NFATC1: variants seen among roughly 807,000 people sequenced by gnomAD.
NFATC1 encodes nuclear factor of activated T cells 1.
In NFATC1, 22 loss-of-function variants were observed where a neutral mutation model predicts 76.0. That is an observed-to-expected ratio of 0.29 (90% confidence interval 0.21 to 0.41). The LOEUF (loss-of-function observed/expected upper bound fraction) is 0.41. Ranked by LOEUF, NFATC1 falls within the 10% of genes least tolerant of loss-of-function variation. NFATC1 has a pLI of 1.00. For synonymous variants in NFATC1, 704 were observed against 613.1 expected (o/e 1.15, Z -2.19); for missense variants, 1,357 against 1,337.7 (o/e 1.01, Z -0.23).
intron 3 of NFATC1, among the ~76,000 whole-genome samples, chr18:79,443,081 C>G (rs1027689601): frequency 6.6e-6 from 1 of 152,130 alleles, no homozygotes; most frequent in African/African-American, 2.4e-5. Flanking sequence ...GTTTTTCAGT[C>G]GCGGCTGGAA....
intron 1 of NFATC1, chr18:79,400,393 T>G: frequency 7.0e-7 from 1 of 1,428,964 alleles, no homozygotes; most frequent in South Asian, 1.3e-5. Flanking sequence ...CGACCCGCCA[T>G]GACGGGGCTG....
chr18:79,514,527 C>T (rs2090331962), intron 9 of NFATC1, among the ~76,000 whole-genome samples: 1 of 140,852 alleles, frequency 7.1e-6, no homozygotes, highest in Admixed American at 7.4e-5. Context: ...GATCGAACCA[C>T]TGCATCTCCA....
In NFATC1 at chr18:79,461,322, G is replaced by A. The variant is rs368295391; in HGVS notation, c.1915G>A (p.Val639Ile). Residue 639 changes from valine (V) to isoleucine (I), a missense_variant, in exon 7 of 10, where the codon GTC becomes ATC. Val to Ile is a conservative substitution (Grantham distance 29). Around this residue, in one of 3 missense-constraint regions of NFATC1, gnomAD observed 242 missense variants for 329.2 expected, o/e 0.74. Transcript: ENST00000427363. ...CTCCTTTCTTCCAGATGGCCACCATGTCTGGGAGATGGAAGCGAAAACTGA... is the reference window on the plus strand; with the variant it reads ...CTCCTTTCTTCCAGATGGCCACCATATCTGGGAGATGGAAGCGAAAACTGA... ...FVEKAPDGHH[V>I]WEMEAKTDRD... 1 of 1,614,164 alleles carries A rather than the reference G, an allele frequency of 6.2e-7. No homozygotes were observed. The highest frequency in any genetic ancestry group is 2.2e-5 in the East Asian group (1 of 44,878).
chr18:79,479,827 G>C (rs2089210953), intron 8 of NFATC1, among the ~76,000 whole-genome samples: 1 of 152,248 alleles, frequency 6.6e-6, no homozygotes, highest in Non-Finnish European at 1.5e-5. Context: ...GCAAGGACAG[G>C]GAGATGGGGC....
At chr18:79,496,379 T>C (rs2089887182) in intron 9 of NFATC1, 1 of 152,260 alleles carries the variant, frequency 6.6e-6, no homozygotes, top group African/African-American at 2.4e-5. Flanking sequence ...ACAGCCACAT[T>C]CAGCGCCCAG....
At chr18:79,449,708 C>G (rs571976332) in intron 4 of NFATC1, among the ~76,000 whole-genome samples, 1 of 152,158 alleles carries the variant, frequency 6.6e-6, no homozygotes, top group Non-Finnish European at 1.5e-5. Context: ...GAGGGTGACC[C>G]GCAGGCTGGG....
At chr18:79,457,277 A>G (rs1260400609) in intron 6 of NFATC1, among the ~76,000 whole-genome samples, 1 of 152,204 alleles carries the variant, frequency 6.6e-6, no homozygotes, top group Non-Finnish European at 1.5e-5. Context: ...TCATGCCCTG[A>G]GGATGGCTCA....
At chr18:79,427,892 C>CTGTGCGGTGGGTG (rs2086447397) in intron 2 of NFATC1, among the ~76,000 whole-genome samples, 1 of 4,752 alleles carries the variant, frequency 2.1e-4, no homozygotes, top group African/African-American at 9.7e-4. Context: ...TGCAGTGAGT[C>CTGTGCGGTGGGTG]GGGGAGGGGG....
intron 9 of NFATC1, among the ~76,000 whole-genome samples, chr18:79,495,151 G>A (rs555712259): frequency 2.6e-5 from 4 of 152,372 alleles, no homozygotes; most frequent in South Asian, 4.1e-4. Context: ...TGCACATCCC[G>A]TGTGGGTGCT....
intron 9 of NFATC1, among the ~76,000 whole-genome samples, chr18:79,500,227 T>C (rs1432288781): frequency 1.3e-5 from 2 of 152,134 alleles, no homozygotes; most frequent in Non-Finnish European, 2.9e-5. Flanking sequence ...TGGATATCAA[T>C]TGAAAATCAA....
chr18:79,487,794 C>T (rs1254436681), intron 9 of NFATC1, among the ~76,000 whole-genome samples: 1 of 152,212 alleles, frequency 6.6e-6, no homozygotes, highest in Non-Finnish European at 1.5e-5. Context: ...CTCGTGTTTT[C>T]TGGCCCTGCG....
At position 79,476,257 on chromosome 18, in the gene NFATC1, T is replaced by G. The variant is rs547577502; in HGVS notation, c.2092+8675T>G. ...CACGTGCAGCCGCCTCCGGGCGGCG[T>G]CGGCCATGCTGCTGCCCCACCGTGG... On this transcript the variant is annotated intron_variant, in intron 8 of 9. Coordinates refer to ENST00000427363, the MANE Select transcript of NFATC1 (RefSeq NM_001278669.2). 1.2e-4 allele frequency among the ~76,000 whole-genome samples: 19 copies of G among 152,318 alleles called. No individual in the cohort carries two copies. In the South Asian group the frequency reaches 3.9e-3, roughly 32 times the overall value.
intron 9 of NFATC1, among the ~76,000 whole-genome samples, chr18:79,518,498 C>G (rs2090438484): frequency 6.6e-6 from 1 of 152,150 alleles, no homozygotes; most frequent in South Asian, 2.1e-4. Flanking sequence ...TGCCTGGCAC[C>G]CCCCCTCTCG....
At chr18:79,406,566 G>A (rs1443802709) in intron 1 of NFATC1, among the ~76,000 whole-genome samples, 1 of 152,240 alleles carries the variant, frequency 6.6e-6, no homozygotes, top group Non-Finnish European at 1.5e-5. Context: ...CAGGCGAGAG[G>A]GCTTCTAGAC....
chr18:79,431,764 G>A (rs191287631), intron 2 of NFATC1, among the ~76,000 whole-genome samples: 7 of 152,160 alleles, frequency 4.6e-5, no homozygotes, highest in South Asian at 2.1e-4. Context: ...GTGCAGTGGC[G>A]CGATCTCGGC....
Position 79,529,020 on chromosome 18 carries a change from G to A in NFATC1, c.*1443G>A, listed in dbSNP as rs1465221278. 1.3e-5 allele frequency: 2 copies of A among 152,530 alleles called. No homozygotes were observed. Among genetic ancestry groups the A allele is most frequent in the African/African-American group, 2.4e-5 (1 of 41,440 alleles). The allele number at this position is 152,530 out of a possible 1,614,324, so 9.4% of individuals were successfully genotyped here. A position where few individuals can be genotyped will look rare whatever the true frequency, so the allele number is the denominator to read the frequency against. On this transcript the variant is annotated 3_prime_UTR_variant, in exon 10 of 10. Transcript: ENST00000427363. ...CGGCTGTGAAGTCACTGAACAGAAC[G>A]TCGCTGATGGAGAAAGGGCTCCCGC... is the stretch of plus-strand genomic sequence containing the variant.
At chr18:79,441,961 G>A (rs1025932883) in intron 3 of NFATC1, among the ~76,000 whole-genome samples, 7 of 152,136 alleles carry the variant, frequency 4.6e-5, no homozygotes, top group Non-Finnish European at 1.0e-4. Flanking sequence ...TTCTCTGGGC[G>A]CTTCCAGGTG....
rs143615972 is a variant in NFATC1, at chr18:79,408,155, G to A, written c.128-2248G>A. Among the ~76,000 whole-genome samples, 1,185 of 152,316 alleles carry A rather than the reference G, an allele frequency of 7.8e-3. 18 individuals are homozygous for A. Among genetic ancestry groups the A allele is most frequent in the African/African-American group, 0.027 (1,118 of 41,562 alleles). On this transcript the variant is annotated intron_variant, in intron 1 of 9. Transcript: ENST00000427363. ...CCATTTCTGTTAGTAAATACAGTGG[G>A]TTTGTATTGGTATTTTGAGACCCTA...
chr18:79,485,765 G>A lies in NFATC1; in HGVS notation c.2093-483G>A, dbSNP rs60943195. On this transcript the variant is annotated intron_variant, in intron 8 of 9. Coordinates refer to ENST00000427363, the MANE Select transcript of NFATC1 (RefSeq NM_001278669.2). Reference sequence around the variant, plus strand: ...GCCTCCATGACAGTGTTTTTCTTTCGCAGTGACGGACGGCTTCTCTCCTGG... The same window carrying A: ...GCCTCCATGACAGTGTTTTTCTTTCACAGTGACGGACGGCTTCTCTCCTGG... Among the ~76,000 whole-genome samples the A allele has an allele frequency of 1.1e-3, 162 of 152,334 alleles. 5 individuals are homozygous for A. The East Asian group carries it at 0.029, about 27-fold the overall frequency.
Sources: allele counts gnomAD v4.1 joint callset (sites outside exome capture counted in the v4.1 genomes callset), GRCh38; gene constraint gnomAD v4.1.1; regional missense constraint gnomAD v4.1.1; transcripts MANE v1.5; gene names NCBI Gene and HGNC (gene_info 2026-07-23, HGNC 2026-07-21).